Variants in ADGRL3 observed in about 807,000 individuals in gnomAD.
ADGRL3 encodes the protein calcium-independent alpha-latrotoxin receptor 3.
Under a neutral mutation model 153.5 loss-of-function variants are expected in ADGRL3, and 62 were observed. The ratio of observed to expected loss-of-function variants is 0.40; its 90% CI spans 0.33 to 0.50. ADGRL3 has a LOEUF of 0.50. Among genes scored for constraint, ADGRL3 ranks in the 20% least tolerant of loss-of-function variants. ADGRL3 has a pLI of 0.47. For missense variants in ADGRL3, 1,641 were observed against 1,859.4 expected (o/e 0.88, Z 2.16); for synonymous variants, 710 against 672.5 (o/e 1.06, Z -0.86).
At chr4:61,425,901 C>A (rs1002588598) in intron 2 of ADGRL3, among the ~76,000 whole-genome samples, 1 of 152,190 alleles carries the variant, frequency 6.6e-6, no homozygotes, top group African/African-American at 2.4e-5. Context: ...GTTATCCTGC[C>A]TTTAGGTGCA....
At chr4:61,495,529 T>G (rs914879076) in intron 2 of ADGRL3, among the ~76,000 whole-genome samples, 1 of 149,184 alleles carries the variant, frequency 6.7e-6, no homozygotes, top group Non-Finnish European at 1.5e-5. Flanking sequence ...GGGAAGAGAA[T>G]GGAAGGAAGA....
intron 8 of ADGRL3, among the ~76,000 whole-genome samples, chr4:61,781,343 A>AG (rs1157787408): frequency 6.6e-5 from 10 of 151,568 alleles, no homozygotes; most frequent in Non-Finnish European, 1.0e-4. Flanking sequence ...AAAAAAAAAA[A>AG]AAAAGAAAAG....
chr4:61,567,076 A>G (rs2098819349), intron 4 of ADGRL3, among the ~76,000 whole-genome samples: 1 of 152,220 alleles, frequency 6.6e-6, no homozygotes, highest in African/African-American at 2.4e-5. Context: ...GCAGGGCAAG[A>G]ACCTAAATGT....
rs112311343 is a variant in ADGRL3, at chr4:61,911,371, A to G, written c.2074-1348A>G. On this transcript the variant is annotated intron_variant, in intron 12 of 26. Coordinates refer to ENST00000683033, the MANE Select transcript of ADGRL3 (RefSeq NM_001387552.1). The stretch of plus-strand genomic sequence containing the variant: ...ATAATGGGCAAATTTCCATTTGTGA[A>G]GCTTTTTAATGCTTTTCTTTTGTTA... Among the ~76,000 whole-genome samples the G allele has an allele frequency of 1.9e-3, 284 of 152,258 alleles. 2 individuals carry two copies. Among genetic ancestry groups the G allele is most frequent in the African/African-American group, 5.7e-3 (235 of 41,548 alleles).
intron 25 of ADGRL3, among the ~76,000 whole-genome samples, chr4:62,055,458 T>G (rs1046263877): frequency 6.6e-6 from 1 of 151,798 alleles, no homozygotes; most frequent in Non-Finnish European, 1.5e-5. Context: ...TGTTGGCTAT[T>G]AAAAGTGCAC....
At chr4:62,047,258 T>C (rs1731623499) in intron 25 of ADGRL3, among the ~76,000 whole-genome samples, 2 of 152,004 alleles carry the variant, frequency 1.3e-5, no homozygotes, top group Non-Finnish European at 2.9e-5. Context: ...AATGAGAAGC[T>C]GTTTTCCAAA....
At chr4:62,027,970 A>G (rs1247365846) in intron 21 of ADGRL3, among the ~76,000 whole-genome samples, 2 of 151,792 alleles carry the variant, frequency 1.3e-5, no homozygotes, top group Non-Finnish European at 2.9e-5. Context: ...CATTCTGGAG[A>G]GTGAGTTTTC....
intron 6 of ADGRL3, among the ~76,000 whole-genome samples, chr4:61,716,116 C>A (rs2096109381): frequency 6.6e-6 from 1 of 151,902 alleles, no homozygotes; most frequent in South Asian, 2.1e-4. Context: ...TTGCTAATGA[C>A]TTATTTTTTG....
chr4:61,232,654 G>T (rs1034005963), intron 1 of ADGRL3, among the ~76,000 whole-genome samples: 1 of 152,026 alleles, frequency 6.6e-6, no homozygotes, highest in Non-Finnish European at 1.5e-5. Context: ...TTTTTAAAGT[G>T]GGGTAATAAT....
intron 17 of ADGRL3, among the ~76,000 whole-genome samples, chr4:61,964,964 T>C (rs1032026868): frequency 1.3e-5 from 2 of 152,154 alleles, no homozygotes; most frequent in African/African-American, 4.8e-5. Context: ...AATTTTACTT[T>C]AACATGGCAA....
At chr4:61,421,798 C>T (rs2097210697) in intron 2 of ADGRL3, among the ~76,000 whole-genome samples, 1 of 152,098 alleles carries the variant, frequency 6.6e-6, no homozygotes, top group African/African-American at 2.4e-5. Flanking sequence ...AATTGATGCC[C>T]ATGAGTCAAA....
chr4:62,044,981 G>A (rs1490611920), intron 25 of ADGRL3, among the ~76,000 whole-genome samples: 1 of 151,844 alleles, frequency 6.6e-6, no homozygotes, highest in African/African-American at 2.4e-5. Context: ...CTGTGTACTT[G>A]GAAAAAATCA....
intron 5 of ADGRL3, among the ~76,000 whole-genome samples, chr4:61,617,005 A>G (rs4860097): frequency 0.33 from 50,227 of 151,822 alleles, 9,118 homozygotes; most frequent in East Asian, 0.52. Flanking sequence ...AAGATCCTAT[A>G]ATTTCTGATT....
Position 61,813,815 on chromosome 4 carries a change from C to T in ADGRL3, c.1406C>T (p.Ala469Val), listed in dbSNP as rs1056694118. ...FGPLDSRSGQAHHGQVSYISP... is the reference protein window; with the variant it reads ...FGPLDSRSGQVHHGQVSYISP... ...ATTTGTTTTGGGTCCACAGGGCAGGCACATCATGGACAAGTTTCATACATT... is the reference window on the plus strand; with the variant it reads ...ATTTGTTTTGGGTCCACAGGGCAGGTACATCATGGACAAGTTTCATACATT... The change falls in exon 9 of 27, where the codon GCA becomes GTA. Residue 469 changes from alanine to valine, a missense_variant. By Grantham distance (64) the Ala-to-Val change is moderately conservative (BLOSUM62 0). This residue lies in a region of ADGRL3 where 734 missense variants were observed against 797.0 expected (regional missense o/e 0.92). Transcript: ENST00000683033. 1 of 1,581,434 alleles carries T rather than the reference C, an allele frequency of 6.3e-7. No homozygotes were observed. The highest frequency in any genetic ancestry group is 8.7e-7 in the Non-Finnish European group (1 of 1,150,536).
At chr4:61,398,905 G>A (rs1158958023) in intron 2 of ADGRL3, among the ~76,000 whole-genome samples, 1 of 151,346 alleles carries the variant, frequency 6.6e-6, no homozygotes, top group East Asian at 1.9e-4. Flanking sequence ...CCAAAACTGT[G>A]TTTCCTTAAC....
intron 1 of ADGRL3, among the ~76,000 whole-genome samples, chr4:61,338,816 A>G (rs900561575): frequency 6.6e-6 from 1 of 152,214 alleles, no homozygotes; most frequent in Non-Finnish European, 1.5e-5. Flanking sequence ...CATCATAATG[A>G]ACATTTTGTG....
intron 1 of ADGRL3, among the ~76,000 whole-genome samples, chr4:61,251,868 T>A (rs1243540726): frequency 2.2e-3 from 116 of 52,200 alleles, no homozygotes; most frequent in Middle Eastern, 7.1e-3. Flanking sequence ...CCTAAGATTC[T>A]TTTTTTTTTT....
chr4:61,780,432 A>C (rs2097201337), intron 8 of ADGRL3, among the ~76,000 whole-genome samples: 1 of 152,132 alleles, frequency 6.6e-6, no homozygotes, highest in African/African-American at 2.4e-5. Flanking sequence ...GACAAATTAG[A>C]CCTGTTAGTA....
In ADGRL3 at chr4:61,839,108, T is replaced by A. The variant is rs368193434; in HGVS notation, c.1480+25219T>A. 3.3e-5 allele frequency among the ~76,000 whole-genome samples: 5 copies of A among 152,158 alleles called. No homozygotes were observed. In the South Asian group the frequency reaches 1.0e-3, roughly 31 times the overall value. On this transcript the variant is annotated intron_variant, in intron 9 of 26. Coordinates refer to ENST00000683033, the MANE Select transcript of ADGRL3 (RefSeq NM_001387552.1). The stretch of plus-strand genomic sequence containing the variant: ...GAGTATTTAAAAGTAATGCAACTTA[T>A]GTGGTAGTTTTAAATATGTATTGCT...
Sources: gnomAD v4.1 joint callset for allele counts (sites outside exome capture counted in the v4.1 genomes callset) on GRCh38, gnomAD v4.1.1 for gene constraint, gnomAD v4.1.1 regional missense constraint, MANE v1.5 for transcripts, NCBI Gene and HGNC (gene_info 2026-07-23, HGNC 2026-07-21) for gene names.